MAST4: variants seen among roughly 807,000 people sequenced by gnomAD.
MAST4 encodes the protein microtubule associated serine/threonine kinase family member 4, also known as microtubule-associated serine/threonine-protein kinase 4.
Under a neutral mutation model 162.7 loss-of-function variants are expected in MAST4, and 89 were observed. That is an observed-to-expected ratio of 0.55 (90% CI 0.46 to 0.65). The LOEUF is 0.65. Among genes scored for constraint, MAST4 ranks in the 30% least tolerant of loss-of-function variants. The pLI, the probability that MAST4 is intolerant of heterozygous loss-of-function variation, is 0.00. For missense variants in MAST4, 3,153 were observed against 3,374.0 expected (o/e 0.93, Z 1.62); for synonymous variants, 1,479 against 1,361.1 (o/e 1.09, Z -1.91).
chr5:66,790,879 T>A (rs1354797542), intron 3 of MAST4, among the ~76,000 whole-genome samples: 2 of 124,978 alleles, frequency 1.6e-5, no homozygotes, highest in Non-Finnish European at 3.5e-5. Context: ...AATTCATGAT[T>A]TTTTTTTGAC....
At chr5:66,684,861 G>A (rs192928424) in intron 1 of MAST4, among the ~76,000 whole-genome samples, 8 of 152,330 alleles carry the variant, frequency 5.3e-5, no homozygotes, top group African/African-American at 1.4e-4. Context: ...GCTGCTCAGC[G>A]CTTGTGGGAG....
intron 4 of MAST4, among the ~76,000 whole-genome samples, chr5:66,934,827 T>C (rs16896003): frequency 0.074 from 11,282 of 152,226 alleles, 509 homozygotes; most frequent in African/African-American, 0.12. Flanking sequence ...TGTCAAACCA[T>C]GAGCTCTGAT....
Position 66,875,992 on chromosome 5 carries a change from T to G in MAST4, c.643-23959T>G, listed in dbSNP as rs61572026. On this transcript the variant is annotated intron_variant, in intron 3 of 28. Transcript: ENST00000403625. ...ATGTTGCCCAGAAATGCTCTCAAAC[T>G]CTGGGGTCAAGCAATCCTCCTGCCT... is the stretch of plus-strand genomic sequence containing the variant. 6.4e-3 allele frequency among the ~76,000 whole-genome samples: 971 copies of G among 152,230 alleles called. 9 individuals carry two copies. The highest frequency in any genetic ancestry group is 0.022 in the African/African-American group (911 of 41,526).
At chr5:67,144,594 T>C in intron 21 of MAST4, 75 bp from the exon 22 acceptor site, 2 of 1,477,862 alleles carry the variant, frequency 1.4e-6, no homozygotes, top group Non-Finnish European at 1.9e-6. Context: ...CAGGTTTTTC[T>C]CCCAAGACTT....
intron 4 of MAST4, among the ~76,000 whole-genome samples, chr5:66,953,447 G>C (rs1744932530): frequency 6.6e-6 from 1 of 152,092 alleles, no homozygotes; most frequent in Non-Finnish European, 1.5e-5. Context: ...TTTGTATGTA[G>C]TTTGGATCAT....
intron 1 of MAST4, among the ~76,000 whole-genome samples, chr5:66,752,429 A>C (rs554680081): frequency 2.5e-4 from 37 of 148,270 alleles, no homozygotes; most frequent in Middle Eastern, 3.5e-3. Flanking sequence ...ACATAGGCTC[A>C]AAATAAAAGG....
intron 3 of MAST4, 28 bp downstream of exon 3, chr5:66,788,822 CT>C: frequency 6.6e-7 from 1 of 1,524,268 alleles, no homozygotes; most frequent in South Asian, 1.3e-5. Context: ...CCGGTGGAGG[CT>C]GCTCCAGCTC....
At chr5:66,923,726 A>G (rs982336383) in intron 4 of MAST4, among the ~76,000 whole-genome samples, 1 of 152,152 alleles carries the variant, frequency 6.6e-6, no homozygotes, top group African/African-American at 2.4e-5. Context: ...TGCTCTAGAA[A>G]TCATCCTGCC....
In MAST4 at chr5:66,923,431, C is replaced by T. The variant is rs1228310377; in HGVS notation, c.674+23449C>T. Among the ~76,000 whole-genome samples the T allele has an allele frequency of 3.3e-5, 5 of 152,166 alleles. No individual in the cohort carries two copies. In the East Asian group the frequency reaches 9.6e-4, roughly 29 times the overall value. Reference sequence around the variant, plus strand: ...AGGTGTTGGTCACAGGAGCCTTCAACATGAAGGCTGAAAAAATATGTCTAG... The same window carrying T: ...AGGTGTTGGTCACAGGAGCCTTCAATATGAAGGCTGAAAAAATATGTCTAG... On this transcript the variant is annotated intron_variant, in intron 4 of 28. Coordinates refer to ENST00000403625, the MANE Select transcript of MAST4 (RefSeq NM_001164664.2).
chr5:66,931,299 T>C (rs189313768), intron 4 of MAST4, among the ~76,000 whole-genome samples: 10 of 152,320 alleles, frequency 6.6e-5, no homozygotes, highest in Admixed American at 3.3e-4. Flanking sequence ...TTTAAAGGTT[T>C]ATTTCTGATC....
chr5:66,695,602 T>C (rs570955278), intron 1 of MAST4, among the ~76,000 whole-genome samples: 1 of 152,302 alleles, frequency 6.6e-6, no homozygotes, highest in South Asian at 2.1e-4. Flanking sequence ...GTAAATTACT[T>C]TGGGCAGTAT....
In MAST4 at chr5:66,887,402, T is replaced by G. The variant is rs571189595; in HGVS notation, c.643-12549T>G. On this transcript the variant is annotated intron_variant, in intron 3 of 28. Coordinates refer to ENST00000403625, the MANE Select transcript of MAST4 (RefSeq NM_001164664.2). The stretch of plus-strand genomic sequence containing the variant: ...TGTTCCAAAGCTAATTTGCAAAGTT[T>G]ATTTAGTACTAGCATTAGCTAGGAA... Among the ~76,000 whole-genome samples the G allele has an allele frequency of 4.1e-4, 62 of 152,380 alleles. 1 individual carries two copies. Among genetic ancestry groups the G allele is most frequent in the African/African-American group, 1.4e-3 (60 of 41,596 alleles).
At chr5:67,040,481 A>G (rs773576432) in intron 4 of MAST4, among the ~76,000 whole-genome samples, 1 of 152,194 alleles carries the variant, frequency 6.6e-6, no homozygotes, top group African/African-American at 2.4e-5. Flanking sequence ...GTCTACCATG[A>G]GCCTGAAAAA....
intron 3 of MAST4, among the ~76,000 whole-genome samples, chr5:66,824,684 T>C (rs1321921143): frequency 2.6e-5 from 4 of 152,208 alleles, no homozygotes; most frequent in Non-Finnish European, 4.4e-5. Flanking sequence ...AGAAATGTGT[T>C]GCTAGGTGAT....
chr5:66,761,859 A>C (rs1753867187), intron 2 of MAST4, among the ~76,000 whole-genome samples: 1 of 152,180 alleles, frequency 6.6e-6, no homozygotes, highest in African/African-American at 2.4e-5. Flanking sequence ...AAAGTAGGAG[A>C]TCCCAAAGAT....
chr5:66,826,758 T>C (rs1481249432), intron 3 of MAST4, among the ~76,000 whole-genome samples: 2 of 152,180 alleles, frequency 1.3e-5, no homozygotes, highest in African/African-American at 4.8e-5. Context: ...CTTTTAAAAA[T>C]TGAGCTTCTT....
chr5:66,829,975 T>A (rs1757493068), intron 3 of MAST4, among the ~76,000 whole-genome samples: 1 of 152,182 alleles, frequency 6.6e-6, no homozygotes, highest in African/African-American at 2.4e-5. Context: ...TGAATTTCAG[T>A]GTGGTCATTG....
intron 3 of MAST4, among the ~76,000 whole-genome samples, chr5:66,835,932 G>A (rs1302198538): frequency 2.0e-5 from 3 of 152,098 alleles, no homozygotes; most frequent in Non-Finnish European, 4.4e-5. Context: ...CATTTTGGGA[G>A]GCCGAGGTGG....
chr5:67,024,492 T>C (rs189413369), intron 4 of MAST4, among the ~76,000 whole-genome samples: 100 of 145,284 alleles, frequency 6.9e-4, no homozygotes, highest in Non-Finnish European at 1.2e-3. Flanking sequence ...TATACATATC[T>C]ATATATACAC....
Sources: allele counts gnomAD v4.1 joint callset (sites outside exome capture counted in the v4.1 genomes callset), GRCh38; gene constraint gnomAD v4.1.1; transcripts MANE v1.5; gene names NCBI Gene and HGNC (gene_info 2026-07-23, HGNC 2026-07-21).